NR1H3: variants seen among roughly 807,000 people sequenced by gnomAD.
NR1H3 encodes the protein nuclear receptor subfamily 1 group H member 3, also known as oxysterols receptor LXR-alpha.
Under a neutral mutation model 48.1 loss-of-function variants are expected in NR1H3, and 19 were observed. The ratio of observed to expected loss-of-function variants is 0.40; its 90% CI spans 0.28 to 0.58. The LOEUF is 0.58. NR1H3 is among the 20% of genes least tolerant of loss of function. The pLI, the probability that NR1H3 is intolerant of heterozygous loss-of-function variation, is 0.50. For missense variants in NR1H3, 486 were observed against 595.9 expected (o/e 0.82, Z 1.92); for synonymous variants, 232 against 227.3 (o/e 1.02, Z -0.19).
rs971016915 is a variant in NR1H3, at chr11:47,258,074, C to T, written c.-93C>T. ...AGGAAACTGCACCATCCTCTTCTCC[C>T]AGCAAGGGGGCTCCAGAGACTGCCC... On this transcript the variant is annotated 5_prime_UTR_variant, in exon 1 of 10. Coordinates refer to ENST00000441012, the MANE Select transcript of NR1H3 (RefSeq NM_005693.4). The T allele has an allele frequency of 6.7e-5, 66 of 985,422 alleles. No homozygotes were observed. The highest frequency in any genetic ancestry group is 7.0e-5 in the Non-Finnish European group (58 of 830,120). The allele number at this position is 985,422 out of a possible 1,614,324, so 61.0% of individuals were successfully genotyped here.
Position 47,268,658 on chromosome 11 carries a change from C to G in NR1H3, c.1306C>G (p.Pro436Ala). 2 of 1,614,228 alleles carry G rather than the reference C, an allele frequency of 1.2e-6. No individual in the cohort carries two copies. Among genetic ancestry groups the G allele is most frequent in the Non-Finnish European group, 8.5e-7 (1 of 1,180,048 alleles). Residue 436 changes from proline to alanine, a missense_variant, in exon 10 of 10, where the codon CCA (proline) becomes GCA (alanine). Pro to Ala is a conservative substitution (Grantham distance 27). Coordinates refer to ENST00000441012, the MANE Select transcript of NR1H3 (RefSeq NM_005693.4). ...FALRLQDKKL[P>A]PLLSEIWDVH... ...ACTGCGTCTGCAGGACAAAAAGCTC[C>G]CACCGCTGCTCTCTGAGATCTGGGA... is the stretch of plus-strand genomic sequence containing the variant.
In NR1H3 at chr11:47,259,975, C is replaced by G; in HGVS notation, c.228C>G (p.Pro76=). Residue 76 remains proline, a synonymous_variant, in exon 3 of 10, where the codon CCC becomes CCG. Transcript: ENST00000441012. The part of the protein sequence containing the change: ...LLTRAEPPSE[P]TEIRPQKRKK... ...CCAGGGCAGAGCCCCCTTCAGAACC[C>G]ACAGGTGAGGAGCTTCTGGGTTTGG... The G allele has an allele frequency of 6.6e-7, 1 of 1,524,078 alleles. No individual in the cohort carries two copies. The highest frequency in any genetic ancestry group is 8.8e-7 in the Non-Finnish European group (1 of 1,138,700). 94.4% of individuals were successfully genotyped at this position (1,524,078 alleles called of 1,614,324 possible).
Position 47,260,587 on chromosome 11 carries a change from C to T in NR1H3, c.411C>T (p.Gly137=), listed in dbSNP as rs145536921. 3.2e-5 allele frequency: 51 copies of T among 1,613,856 alleles called. No individual in the cohort carries two copies. The highest frequency in any genetic ancestry group is 2.3e-4 in the African/African-American group (17 of 74,944). The part of the protein sequence containing the change: ...IKGAHYICHS[G]GHCPMDTYMR... ...GAGCGCACTACATCTGCCACAGTGG[C>T]GGCCACTGCCCCATGGACACCTACA... The change falls in exon 4 of 10, where the codon GGC becomes GGT. Residue 137 remains glycine (G), a synonymous_variant. Transcript: ENST00000441012.
chr11:47,251,713 C>T (rs1190999402), intron 1 of NR1H3, among the ~76,000 whole-genome samples: 1 of 152,166 alleles, frequency 6.6e-6, no homozygotes, highest in Non-Finnish European at 1.5e-5. Context: ...GGGCCTCTTA[C>T]TCCTTGCAAA....
chr11:47,262,196 G>A (rs1457654531), intron 7 of NR1H3, among the ~76,000 whole-genome samples, 178 bp downstream of exon 7: 2 of 151,724 alleles, frequency 1.3e-5, no homozygotes, highest in East Asian at 2.0e-4. Flanking sequence ...TGGCTAACAC[G>A]GTGAAACCCT....
chr11:47,259,618 C>T (rs1250655752), intron 2 of NR1H3, 173 bp from the exon 3 acceptor site: 20 of 1,455,712 alleles, frequency 1.4e-5, no homozygotes, highest in Non-Finnish European at 1.6e-5. Flanking sequence ...TAAGAAACTA[C>T]AAGTGACTAG....
rs1131379 is a variant in NR1H3 at position 47,268,292 on chromosome 11, A to G, written c.1134A>G (p.Val378=). The change falls in exon 9 of 10, where the codon GTA becomes GTG. Residue 378 remains valine, a synonymous_variant. Coordinates refer to ENST00000441012, the MANE Select transcript of NR1H3 (RefSeq NM_005693.4). ...DRPNVQDQLQ[V]ERLQHTYVEA... The stretch of plus-strand genomic sequence containing the variant: ...CCAACGTGCAGGACCAGCTCCAGGT[A>G]GAGAGGCTGCAGCACACATATGTGG... 7 of 1,614,118 alleles carry G rather than the reference A, an allele frequency of 4.3e-6. No individual in the cohort carries two copies. In the Admixed American group the frequency reaches 5.0e-5, roughly 12 times the overall value.
upstream of NR1H3, among the ~76,000 whole-genome samples, chr11:47,254,971 G>A (rs1409531921): frequency 1.1e-4 from 17 of 152,264 alleles, no homozygotes; most frequent in Admixed American, 1.1e-3. Context: ...TTAATGTGGG[G>A]CCCATGGGAA....
chr11:47,267,833 T>A, intron 7 of NR1H3, 80 bp from the exon 8 acceptor site: 1 of 1,014,638 alleles, frequency 9.9e-7, no homozygotes. Flanking sequence ...AGTGAGTTCC[T>A]AATAGTTCCC....
Position 47,261,617 on chromosome 11 carries a change from T to G in NR1H3, c.779T>G (p.Leu260Arg), listed in dbSNP as rs1299286046. Residue 260 changes from leucine (L) to arginine (R), a missense_variant, in exon 6 of 10, where the codon CTG becomes CGG. Transcript: ENST00000441012. ...CAGCGCTTTGCCCACTTCACTGAGC[T>G]GGCCATCGTCTCTGTGCAGGAGATA... ...RQQRFAHFTE[L>R]AIVSVQEIVD... The G allele has an allele frequency of 1.9e-6, 3 of 1,614,142 alleles. No individual in the cohort carries two copies. The highest frequency in any genetic ancestry group is 2.5e-6 in the Non-Finnish European group (3 of 1,180,058).
intron 2 of NR1H3, 64 bp from the exon 3 acceptor site, chr11:47,259,727 G>A (rs1404544086): frequency 3.7e-6 from 6 of 1,603,806 alleles, no homozygotes; most frequent in Admixed American, 1.7e-5. Flanking sequence ...TCCCAGCTAG[G>A]ACGCTGGGCC....
chr11:47,268,832 G>T lies in NR1H3; in HGVS notation c.*136G>T. The T allele has an allele frequency of 8.7e-7, 1 of 1,145,770 alleles. No individual in the cohort carries two copies. Among genetic ancestry groups the T allele is most frequent in the Admixed American group, 2.4e-5 (1 of 41,116 alleles). 71.0% of individuals were successfully genotyped at this position (1,145,770 alleles called of 1,614,324 possible). A position where few individuals can be genotyped will look rare whatever the true frequency, so the allele number is the denominator to read the frequency against. On this transcript the variant is annotated 3_prime_UTR_variant, in exon 10 of 10. Coordinates refer to ENST00000441012, the MANE Select transcript of NR1H3 (RefSeq NM_005693.4). ...AGGAGATCCTCCCGTGGCATTAAAA[G>T]AGAGTCAAAGGGTTGCGAGTTTTGT...
Position 47,267,848 on chromosome 11 carries a change from G to A in NR1H3, c.989-65G>A, listed in dbSNP as rs77782011. The A allele has an allele frequency of 1.4e-3, 1,637 of 1,132,156 alleles. 30 individuals are homozygous for A. The East Asian group carries it at 0.035, about 24-fold the overall frequency. 70.1% of individuals were successfully genotyped at this position (1,132,156 alleles called of 1,614,324 possible). Reference sequence around the variant, plus strand: ...AGTGAGTTCCTAATAGTTCCCTAAGGTGAGGAGAGAAGAAAGTTCCTGCTG... The same window carrying A: ...AGTGAGTTCCTAATAGTTCCCTAAGATGAGGAGAGAAGAAAGTTCCTGCTG... On this transcript the variant is annotated intron_variant, in intron 7 of 9. Transcript: ENST00000441012.
At chr11:47,266,892 C>T (rs894274933) in intron 7 of NR1H3, among the ~76,000 whole-genome samples, 8 of 152,022 alleles carry the variant, frequency 5.3e-5, no homozygotes, top group East Asian at 1.9e-4. Flanking sequence ...CCCCCTGCCT[C>T]GGCCTCCCAA....
chr11:47,251,137 C>T (rs528257287), intron 1 of NR1H3, among the ~76,000 whole-genome samples: 45 of 151,834 alleles, frequency 3.0e-4, no homozygotes, highest in Middle Eastern at 3.4e-3. Context: ...CCAGCCTGGG[C>T]GACAGAGCAA....
chr11:47,253,885 G>A (rs1172830581), upstream of NR1H3, among the ~76,000 whole-genome samples: 3 of 152,152 alleles, frequency 2.0e-5, no homozygotes, highest in Non-Finnish European at 4.4e-5. Flanking sequence ...ACTGTGGCAC[G>A]GGGGTGGGGC....
upstream of NR1H3, among the ~76,000 whole-genome samples, chr11:47,253,116 G>T (rs972669583): frequency 7.3e-5 from 6 of 82,304 alleles, no homozygotes; most frequent in Non-Finnish European, 1.3e-4. Context: ...ATGCCACCAC[G>T]CCTGGCTAAT....
intron 1 of NR1H3, among the ~76,000 whole-genome samples, chr11:47,252,021 G>A: frequency 6.7e-6 from 1 of 149,220 alleles, no homozygotes; most frequent in South Asian, 2.1e-4. Context: ...AGATGATTCT[G>A]TGGTTCTTAC....
At chr11:47,262,472 T>A (rs1956003197) in intron 7 of NR1H3, among the ~76,000 whole-genome samples, 1 of 151,946 alleles carries the variant, frequency 6.6e-6, no homozygotes, top group Non-Finnish European at 1.5e-5. Flanking sequence ...GTGCTGGGAT[T>A]ACAGGCGTGA....
Sources: allele counts gnomAD v4.1 joint callset (sites outside exome capture counted in the v4.1 genomes callset), GRCh38; gene constraint gnomAD v4.1.1; transcripts MANE v1.5; gene names NCBI Gene and HGNC (gene_info 2026-07-23, HGNC 2026-07-21).